The following NPIPA9 variants were observed in gnomAD, a reference collection of about 807,000 sequenced individuals.
The protein encoded by NPIPA9 is nuclear pore complex interacting protein family member A9, also known as nuclear pore complex-interacting protein family member A9.
At chr16:18,363,467 C>T (rs1900470563) in intron 6 of NPIPA9, among the ~76,000 whole-genome samples, 1 of 86,128 alleles carries the variant, frequency 1.2e-5, no homozygotes, top group Non-Finnish European at 2.2e-5. Context: ...TGCACTCTAG[C>T]CTGGGTGACA....
chr16:18,374,911 C>T, exon 2 of NPIPA9: 1 of 537,636 alleles, frequency 1.9e-6, no homozygotes, highest in South Asian at 1.9e-5. Context: ...GTCTTGAGTC[C>T]AAGCTGCGCC....
In NPIPA9 at chr16:18,364,532, T is replaced by C. The variant is rs1900481153; in HGVS notation, c.292+3A>G. The C allele has an allele frequency of 1.1e-5, 1 of 92,864 alleles. No individual in the cohort carries two copies. The allele number at this position is 92,864 out of a possible 1,614,324, so 5.8% of individuals were successfully genotyped here. ...CACTATGGGGACTCCAACAGAGCCA[T>C]ACCTTCCTGTCTACGGCAGTTGGAC... On this transcript the variant is annotated splice_donor_region_variant and intron_variant, in intron 5 of 9. Coordinates refer to ENST00000427999, the Ensembl canonical transcript of NPIPA9.
At chr16:18,370,392 T>C (rs1291054026) in intron 3 of NPIPA9, among the ~76,000 whole-genome samples, 2 of 102,580 alleles carry the variant, frequency 1.9e-5, no homozygotes, top group African/African-American at 7.2e-5. Flanking sequence ...ATTAGACTCT[T>C]ATGTGAGTGA....
intron 2 of NPIPA9, chr16:18,374,397 G>A: frequency 5.1e-6 from 1 of 194,526 alleles, no homozygotes; most frequent in South Asian, 4.1e-5. Flanking sequence ...TCGTACCATT[G>A]CACTCCAGCC....
chr16:18,369,876 T>C (rs1432181642), intron 3 of NPIPA9, among the ~76,000 whole-genome samples: 2 of 140,434 alleles, frequency 1.4e-5, no homozygotes, highest in African/African-American at 5.5e-5. Flanking sequence ...CTCTAAATAA[T>C]ACTTCTCTCT....
At chr16:18,375,231 C>G (rs1165988667) in intron 1 of NPIPA9, among the ~76,000 whole-genome samples, 162 bp from the exon 2 acceptor site, 1 of 138,408 alleles carries the variant, frequency 7.2e-6, no homozygotes, top group Non-Finnish European at 1.6e-5. Context: ...TGATGGCAGC[C>G]CCTCGCGACA....
At chr16:18,365,274 C>CAA (rs1208437581) in intron 4 of NPIPA9, among the ~76,000 whole-genome samples, 4 of 37,468 alleles carry the variant, frequency 1.1e-4, no homozygotes, top group South Asian at 7.5e-4. Context: ...AACTCTGTCT[C>CAA]AAAAAAAAAA....
At chr16:18,367,613 G>GT (rs1900506563) in intron 4 of NPIPA9, among the ~76,000 whole-genome samples, 1 of 17,690 alleles carries the variant, frequency 5.7e-5, no homozygotes, top group South Asian at 2.5e-3. Context: ...CCTTCCGGCA[G>GT]TTTGTCACCT....
intron 1 of NPIPA9, among the ~76,000 whole-genome samples, chr16:18,375,285 CAG>C (rs1359053896): frequency 4.8e-5 from 7 of 146,886 alleles, no homozygotes; most frequent in Non-Finnish European, 9.0e-5. Context: ...AGCTAAGGAA[CAG>C]AGTTTTAAAT....
At chr16:18,371,477 A>AAAAAAAAAAAAAAAAAAAAAAG (rs1214808508) in intron 3 of NPIPA9, among the ~76,000 whole-genome samples, 1 of 123,706 alleles carries the variant, frequency 8.1e-6, no homozygotes, top group African/African-American at 3.0e-5. Flanking sequence ...AAAAAAAAAA[A>AAAAAAAAAAAAAAAAAAAAAAG]GTCATCAAAC....
intron 3 of NPIPA9, among the ~76,000 whole-genome samples, chr16:18,371,453 A>T (rs1158416463): frequency 4.7e-5 from 4 of 85,744 alleles, no homozygotes; most frequent in African/African-American, 1.1e-4. Context: ...CTCTGTCTTA[A>T]AAAAAAAAAA....
chr16:18,365,291 A>T (rs1262463777), intron 4 of NPIPA9, among the ~76,000 whole-genome samples: 10 of 97,468 alleles, frequency 1.0e-4, no homozygotes, highest in African/African-American at 4.2e-4. Flanking sequence ...AAAAAAAAAA[A>T]AAATATAGGC....
At chr16:18,364,969 A>AC (rs58690022) in intron 4 of NPIPA9, among the ~76,000 whole-genome samples, 22,300 of 111,980 alleles carry the variant, frequency 0.2, 531 homozygotes, top group East Asian at 0.37. Context: ...ACACACACAC[A>AC]ACACAACACA....
intron 2 of NPIPA9, among the ~76,000 whole-genome samples, chr16:18,374,174 G>A (rs1289379390): frequency 5.8e-5 from 1 of 17,240 alleles, no homozygotes; most frequent in African/African-American, 2.3e-4. Context: ...GGTGGCTCAC[G>A]TCTGTAATCC....
intron 6 of NPIPA9, among the ~76,000 whole-genome samples, chr16:18,363,430 G>A (rs1474139727): frequency 8.0e-5 from 4 of 50,192 alleles, no homozygotes; most frequent in African/African-American, 2.3e-4. Context: ...GGGAGGCGGA[G>A]GTTGCAGTGA....
chr16:18,363,560 G>A (rs1284494075), intron 6 of NPIPA9, among the ~76,000 whole-genome samples: 74 of 69,282 alleles, frequency 1.1e-3, no homozygotes, highest in African/African-American at 2.1e-3. Context: ...CAAGCTACTC[G>A]GGAAGCCAAG....
intron 4 of NPIPA9, among the ~76,000 whole-genome samples, chr16:18,367,378 CAA>C (rs1252199297): frequency 6.7e-5 from 6 of 89,282 alleles, no homozygotes; most frequent in African/African-American, 4.3e-4. Context: ...ATAAAAGGCT[CAA>C]AAGACAAATT....
At chr16:18,364,877 G>T (rs1166361829) in intron 4 of NPIPA9, among the ~76,000 whole-genome samples, 2 of 113,732 alleles carry the variant, frequency 1.8e-5, no homozygotes, top group Non-Finnish European at 3.6e-5. Context: ...GGAGGTGGAG[G>T]TTGCAGTGAG....
At chr16:18,364,922 C>A (rs1161132170) in intron 4 of NPIPA9, among the ~76,000 whole-genome samples, 1 of 89,366 alleles carries the variant, frequency 1.1e-5, no homozygotes, top group Non-Finnish European at 2.3e-5. Flanking sequence ...GCCTGAGTGA[C>A]AGAATGAGAC....
Sources: gnomAD v4.1 joint callset for allele counts (sites outside exome capture counted in the v4.1 genomes callset) on GRCh38, gnomAD v4.1.1 for gene constraint, MANE v1.5 for transcripts, NCBI Gene and HGNC (gene_info 2026-07-23, HGNC 2026-07-21) for gene names.